The following GRIK4 variants were observed in gnomAD, a reference collection of about 807,000 sequenced individuals.
The protein encoded by GRIK4 is glutamate ionotropic receptor kainate type subunit 4.
Under a neutral mutation model 104.9 loss-of-function variants are expected in GRIK4, and 40 were observed. That is an observed-to-expected ratio of 0.38 (90% CI 0.30 to 0.50). The LOEUF is 0.50. Among genes scored for constraint, GRIK4 ranks in the 20% least tolerant of loss-of-function variants. GRIK4 has a pLI of 0.93. For synonymous variants in GRIK4, 485 were observed against 524.9 expected (o/e 0.92, Z 1.04); for missense variants, 1,047 against 1,308.1 (o/e 0.80, Z 3.08).
intron 3 of GRIK4, among the ~76,000 whole-genome samples, chr11:120,779,215 G>C (rs1172693688): frequency 6.6e-6 from 1 of 152,194 alleles, no homozygotes; most frequent in Non-Finnish European, 1.5e-5. Context: ...TCTTGGAGAA[G>C]GTAGTCCGCA....
intron 1 of GRIK4, among the ~76,000 whole-genome samples, chr11:120,572,170 T>C (rs1451065454): frequency 6.6e-6 from 1 of 152,156 alleles, no homozygotes; most frequent in Non-Finnish European, 1.5e-5. Context: ...GCAAGTTCTG[T>C]GTCTCTTTGA....
chr11:120,926,493 C>A (rs963415233), intron 13 of GRIK4, among the ~76,000 whole-genome samples: 2 of 152,160 alleles, frequency 1.3e-5, no homozygotes, highest in South Asian at 2.1e-4. Flanking sequence ...ATATTACTAA[C>A]CCCATTTTCC....
intron 8 of GRIK4, among the ~76,000 whole-genome samples, chr11:120,847,619 A>G (rs1191433102): frequency 6.6e-6 from 1 of 152,236 alleles, no homozygotes; most frequent in Non-Finnish European, 1.5e-5. Flanking sequence ...GGCCTTAACC[A>G]AGGAAGCAGA....
At chr11:120,646,388 G>C (rs1949542653) in intron 1 of GRIK4, among the ~76,000 whole-genome samples, 1 of 152,212 alleles carries the variant, frequency 6.6e-6, no homozygotes, top group Non-Finnish European at 1.5e-5. Flanking sequence ...GGCTCTGGGA[G>C]CTCTGTTTAA....
intron 3 of GRIK4, among the ~76,000 whole-genome samples, chr11:120,752,717 C>A (rs1951578417): frequency 6.6e-6 from 1 of 152,182 alleles, no homozygotes; most frequent in South Asian, 2.1e-4. Flanking sequence ...GGGTGGGGAC[C>A]CAGTCTCCTG....
At chr11:120,714,013 A>T (rs911724295) in intron 3 of GRIK4, among the ~76,000 whole-genome samples, 8 of 152,332 alleles carry the variant, frequency 5.3e-5, no homozygotes, top group African/African-American at 1.7e-4. Flanking sequence ...ACAGGATTTC[A>T]TCCTGGCTCA....
At chr11:120,882,238 G>A (rs558961691) in intron 11 of GRIK4, among the ~76,000 whole-genome samples, 2 of 152,300 alleles carry the variant, frequency 1.3e-5, no homozygotes, top group East Asian at 3.9e-4. Flanking sequence ...CAGGTTGAGG[G>A]GGGTGGGAGG....
At chr11:120,961,163 G>T (rs963757844) in intron 17 of GRIK4, 89 bp downstream of exon 17, 2 of 1,192,312 alleles carry the variant, frequency 1.7e-6, no homozygotes, top group Non-Finnish European at 2.5e-6. Context: ...ACATCTCTCC[G>T]CATCTCATTA....
Position 120,549,666 on chromosome 11 carries a change from G to A in GRIK4, c.-159+37779G>A, listed in dbSNP as rs141693022. Among the ~76,000 whole-genome samples the A allele has an allele frequency of 1.9e-3, 287 of 152,350 alleles. No individual in the cohort carries two copies. The highest frequency in any genetic ancestry group is 3.3e-3 in the Non-Finnish European group (226 of 68,032). On this transcript the variant is annotated intron_variant, in intron 1 of 20. Transcript: ENST00000527524. The surrounding 1 kb of genome is among the most constrained non-coding windows in gnomAD (Gnocchi z 4.7). ...ACAGCAGGGGCCTGGGACAAGACAAGCAGAGGCTGAGGGCGGGTCGTGGGC... is the reference window on the plus strand; with the variant it reads ...ACAGCAGGGGCCTGGGACAAGACAAACAGAGGCTGAGGGCGGGTCGTGGGC...
chr11:120,903,525 T>C lies in GRIK4; in HGVS notation c.1273-1765T>C, dbSNP rs908372625. 2.0e-5 allele frequency among the ~76,000 whole-genome samples: 3 copies of C among 151,956 alleles called. No homozygotes were observed. The highest frequency in any genetic ancestry group is 1.3e-4 in the Admixed American group (2 of 15,258). ...AGCATGGTTCTTTCCTCCTCTTTTC[T>C]CCCCTTTTCCAGGGATTTTCCCTTC... On this transcript the variant is annotated intron_variant, in intron 12 of 20. Coordinates refer to ENST00000527524, the MANE Select transcript of GRIK4 (RefSeq NM_014619.5). This position sits in a 1 kb window ranked among gnomAD's most constrained non-coding sequence, Gnocchi z 4.4.
rs34068640 is a variant in GRIK4, at chr11:120,701,951, C to CTT, written c.82+41573_82+41574dup. Among the ~76,000 whole-genome samples, 872 of 91,914 alleles carry CTT rather than the reference C, an allele frequency of 9.5e-3. 1 individual carries two copies. Among genetic ancestry groups the CTT allele is most frequent in the Middle Eastern group, 0.017 (2 of 116 alleles). The allele number at this position is 91,914 out of a possible 152,430, so 60.3% of individuals were successfully genotyped here. ...GAGACAGATCAAGGGTGATTCCAAGCTTTTTTTTTTTTTTTTTTTTTTTGA... is the reference window on the plus strand; with the variant it reads ...GAGACAGATCAAGGGTGATTCCAAGCTTTTTTTTTTTTTTTTTTTTTTTTTGA... On this transcript the variant is annotated intron_variant, in intron 3 of 20. Transcript: ENST00000527524.
chr11:120,741,392 C>T (rs1257194078), intron 3 of GRIK4, among the ~76,000 whole-genome samples: 5 of 151,108 alleles, frequency 3.3e-5, no homozygotes, highest in Admixed American at 1.3e-4. Context: ...GATTCTCCTG[C>T]CTCAGCCTCC....
At chr11:120,852,945 G>A (rs1591991092) in intron 8 of GRIK4, among the ~76,000 whole-genome samples, 1 of 152,172 alleles carries the variant, frequency 6.6e-6, no homozygotes, top group Admixed American at 6.5e-5. Context: ...CTGCCAATGG[G>A]GTGAGATGAG....
chr11:120,832,053 C>A (rs761746505), intron 7 of GRIK4, 23 bp downstream of exon 7: 6 of 1,563,862 alleles, frequency 3.8e-6, no homozygotes, highest in Non-Finnish European at 5.2e-6. Flanking sequence ...CTCTCTCCCC[C>A]ACCCCCTGCT....
intron 1 of GRIK4, among the ~76,000 whole-genome samples, chr11:120,598,150 A>G (rs1465366581): frequency 6.6e-6 from 1 of 152,164 alleles, no homozygotes; most frequent in Non-Finnish European, 1.5e-5. Context: ...AAGGTGGAAG[A>G]TGCCTTGACC....
chr11:120,645,204 GT>G (rs1392633071), intron 1 of GRIK4, among the ~76,000 whole-genome samples: 2 of 152,122 alleles, frequency 1.3e-5, no homozygotes, highest in East Asian at 3.9e-4. Flanking sequence ...GTGAAGATCT[GT>G]TTCTCTGCAA....
intron 4 of GRIK4, among the ~76,000 whole-genome samples, chr11:120,805,733 A>G (rs1472360902): frequency 6.6e-6 from 1 of 152,184 alleles, no homozygotes; most frequent in South Asian, 2.1e-4. Flanking sequence ...ATTCCAGCCC[A>G]GTTCTTTCCC....
At chr11:120,662,020 G>C (rs1248592406) in intron 3 of GRIK4, among the ~76,000 whole-genome samples, 1 of 152,184 alleles carries the variant, frequency 6.6e-6, no homozygotes, top group Non-Finnish European at 1.5e-5. Flanking sequence ...CTCTAAATGA[G>C]TGAATAAAGT....
chr11:120,518,473 A>C (rs2136071527), intron 1 of GRIK4, among the ~76,000 whole-genome samples: 1 of 152,090 alleles, frequency 6.6e-6, no homozygotes, highest in African/African-American at 2.4e-5. Flanking sequence ...TAATCAGAAA[A>C]GTCTATAGTG....
Sources: allele counts gnomAD v4.1 joint callset (sites outside exome capture counted in the v4.1 genomes callset), GRCh38; gene constraint gnomAD v4.1.1; non-coding constraint Gnocchi (gnomAD v3.1); transcripts MANE v1.5; gene names NCBI Gene and HGNC (gene_info 2026-07-23, HGNC 2026-07-21).